Variants in ADAMTS20 observed in about 807,000 individuals in gnomAD.
The protein encoded by ADAMTS20 is ADAM metallopeptidase with thrombospondin type 1 motif 20.
ADAMTS20 carries 225 observed loss-of-function variants against 260.1 expected under a neutral mutation model. That is an observed-to-expected ratio of 0.87 (90% CI 0.78 to 0.97). The LOEUF (loss-of-function observed/expected upper bound fraction) is 0.97, where lower values mean the gene tolerates loss of function less well. ADAMTS20 is among the 50% of genes least tolerant of loss of function. The pLI, the probability that ADAMTS20 is intolerant of heterozygous loss-of-function variation, is 0.00. For missense variants in ADAMTS20, 2,400 were observed against 2,337.7 expected, an observed-to-expected ratio of 1.03 and a Z score of -0.55; for synonymous variants, 802 against 769.5, an observed-to-expected ratio of 1.04 and a Z score of -0.70.
chr12:43,550,943 T>A lies in ADAMTS20; in HGVS notation c.419A>T (p.Asp140Val), dbSNP rs780208831. 1 of 1,586,462 alleles carries A rather than the reference T, an allele frequency of 6.3e-7. No homozygotes were observed. The highest frequency in any genetic ancestry group is 8.6e-7 in the Non-Finnish European group (1 of 1,162,786). The change falls in exon 2 of 39, where the codon GAT becomes GTT. Residue 140 changes from aspartate (D) to valine (V), a missense_variant. By Grantham distance (152) the Asp-to-Val change is radical (BLOSUM62 -3). Coordinates refer to ENST00000389420, the MANE Select transcript of ADAMTS20 (RefSeq NM_025003.5). ...GCATAAGCTGACGACGGCCTTGTAA[T>A]CCTCCTGTGAGTTGACCTGGCCGCG... is the stretch of plus-strand genomic sequence containing the variant. Reference protein sequence around the residue: ...FYRGQVNSQEDYKAVVSLCGG... With the variant: ...FYRGQVNSQEVYKAVVSLCGG...
intron 15 of ADAMTS20, 104 bp downstream of exon 15, chr12:43,446,491 T>C (rs922312928): frequency 2.4e-6 from 2 of 833,702 alleles, no homozygotes; most frequent in African/African-American, 3.4e-5. Flanking sequence ...ACTAAGGGTA[T>C]AGAGTAGACA....
intron 3 of ADAMTS20, 139 bp downstream of exon 3, chr12:43,531,897 C>T (rs1445651671): frequency 6.8e-6 from 4 of 591,820 alleles, no homozygotes; most frequent in South Asian, 1.7e-4. Context: ...GCTAAACATA[C>T]ACAATTTTTA....
intron 28 of ADAMTS20, among the ~76,000 whole-genome samples, chr12:43,421,161 T>C (rs1245770758): frequency 6.6e-6 from 1 of 151,714 alleles, no homozygotes; most frequent in Non-Finnish European, 1.5e-5. Context: ...TTATATCATA[T>C]AATAGATTTA....
At chr12:43,370,666 C>T (rs1235797500) in intron 36 of ADAMTS20, among the ~76,000 whole-genome samples, 1 of 152,220 alleles carries the variant, frequency 6.6e-6, no homozygotes, top group African/African-American at 2.4e-5. Context: ...GGATGACCTA[C>T]AGATATCTGT....
intron 18 of ADAMTS20, among the ~76,000 whole-genome samples, chr12:43,436,820 C>T (rs1941565252): frequency 6.6e-6 from 1 of 152,138 alleles, no homozygotes; most frequent in Non-Finnish European, 1.5e-5. Context: ...CCCGCAGCAC[C>T]CTCATGACAA....
In ADAMTS20 at chr12:43,452,781, T is replaced by C; in HGVS notation, c.1761-86A>G. 2.3e-6 allele frequency: 3 copies of C among 1,281,942 alleles called. No individual in the cohort carries two copies. In the South Asian group the frequency reaches 5.0e-5, roughly 21 times the overall value. The allele number at this position is 1,281,942 out of a possible 1,614,324, so 79.4% of individuals were successfully genotyped here. A position where few individuals can be genotyped will look rare whatever the true frequency, so the allele number is the denominator to read the frequency against. On this transcript the variant is annotated intron_variant, in intron 12 of 38. Coordinates refer to ENST00000389420, the MANE Select transcript of ADAMTS20 (RefSeq NM_025003.5). The stretch of plus-strand genomic sequence containing the variant: ...CTAAAAGTTCCATTCTTTTCCAGGA[T>C]CTAGAAAACCAGTGAAGTCCCACTA...
intron 3 of ADAMTS20, among the ~76,000 whole-genome samples, chr12:43,505,923 C>A (rs1008959180): frequency 6.6e-6 from 1 of 152,036 alleles, no homozygotes; most frequent in Non-Finnish European, 1.5e-5. Context: ...AATGAATAAA[C>A]AAAATGTAGT....
chr12:43,546,378 G>T (rs1010852210), intron 2 of ADAMTS20, among the ~76,000 whole-genome samples: 2 of 152,108 alleles, frequency 1.3e-5, no homozygotes, highest in African/African-American at 4.8e-5. Context: ...CAGAAAGACT[G>T]CATTGCCTCA....
intron 27 of ADAMTS20, among the ~76,000 whole-genome samples, chr12:43,426,183 C>T (rs949615392): frequency 3.3e-5 from 5 of 152,040 alleles, no homozygotes; most frequent in African/African-American, 1.2e-4. Context: ...AACAAAACAG[C>T]TGTATAATGT....
rs1214070565 is a variant in ADAMTS20, at chr12:43,516,348, A to C, written c.614-13943T>G. ...TCTGAATGGTGCAATTCTGAATCAG[A>C]TTCTAATTGCAAATAATTAGAATTA... On this transcript the variant is annotated intron_variant, in intron 3 of 38. Coordinates refer to ENST00000389420, the MANE Select transcript of ADAMTS20 (RefSeq NM_025003.5). Among the ~76,000 whole-genome samples, 2 of 152,224 alleles carry C rather than the reference A, an allele frequency of 1.3e-5. 1 individual carries two copies. Among genetic ancestry groups the C allele is most frequent in the Non-Finnish European group, 2.9e-5 (2 of 68,034 alleles).
At chr12:43,413,784 A>G (rs910786332) in intron 28 of ADAMTS20, among the ~76,000 whole-genome samples, 1 of 152,190 alleles carries the variant, frequency 6.6e-6, no homozygotes, top group Non-Finnish European at 1.5e-5. Flanking sequence ...CACCTGAATA[A>G]GCTAACAATA....
chr12:43,388,069 G>A (rs901404442), intron 29 of ADAMTS20, among the ~76,000 whole-genome samples: 5 of 151,288 alleles, frequency 3.3e-5, no homozygotes, highest in African/African-American at 1.2e-4. Context: ...CGGGTGCCAC[G>A]TACAAAAAAA....
intron 7 of ADAMTS20, among the ~76,000 whole-genome samples, chr12:43,486,557 C>G (rs983403769): frequency 1.3e-5 from 2 of 151,892 alleles, no homozygotes; most frequent in African/African-American, 4.8e-5. Context: ...GCAAATGCAA[C>G]AAAAACAAAA....
chr12:43,491,495 T>G (rs567407481), intron 6 of ADAMTS20, among the ~76,000 whole-genome samples: 18 of 152,320 alleles, frequency 1.2e-4, no homozygotes, highest in African/African-American at 4.3e-4. Context: ...TCTTTTGAGT[T>G]TGATGCCTAA....
intron 12 of ADAMTS20, 26 bp from the exon 13 acceptor site, chr12:43,452,721 G>T: frequency 6.4e-7 from 1 of 1,572,812 alleles, no homozygotes; most frequent in Non-Finnish European, 8.7e-7. Flanking sequence ...ACATTTTAAA[G>T]CACATCAGTA....
At chr12:43,451,506 T>G (rs1941863443) in intron 14 of ADAMTS20, among the ~76,000 whole-genome samples, 1 of 152,060 alleles carries the variant, frequency 6.6e-6, no homozygotes, top group African/African-American at 2.4e-5. Flanking sequence ...AAAAAGTGCA[T>G]TTGACAACCA....
chr12:43,401,307 C>A (rs1321689665), intron 28 of ADAMTS20, among the ~76,000 whole-genome samples: 1 of 151,806 alleles, frequency 6.6e-6, no homozygotes, highest in Non-Finnish European at 1.5e-5. Context: ...GTAAAATTCC[C>A]AGAGTTCGTT....
At chr12:43,463,127 C>G in intron 10 of ADAMTS20, 128 bp from the exon 11 acceptor site, 2 of 509,656 alleles carry the variant, frequency 3.9e-6, no homozygotes, top group Non-Finnish European at 6.5e-6. Context: ...TGAAACTAAT[C>G]AGCAAATTTT....
At chr12:43,400,274 C>T (rs1249050877) in intron 28 of ADAMTS20, among the ~76,000 whole-genome samples, 1 of 151,868 alleles carries the variant, frequency 6.6e-6, no homozygotes, top group Non-Finnish European at 1.5e-5. Context: ...CAGTTGTTGG[C>T]ATATGGTTTC....
Sources: gnomAD v4.1 joint callset for allele counts (sites outside exome capture counted in the v4.1 genomes callset) on GRCh38, gnomAD v4.1.1 for gene constraint, MANE v1.5 for transcripts, NCBI Gene and HGNC (gene_info 2026-07-23, HGNC 2026-07-21) for gene names.